Variants in PRKG1 observed in about 807,000 individuals in gnomAD.
The protein encoded by PRKG1 is cGMP-dependent protein kinase 1.
Under a neutral mutation model 88.1 loss-of-function variants are expected in PRKG1, and 35 were observed. The observed-to-expected ratio is 0.40, with a 90% CI of 0.30 to 0.53. The LOEUF (loss-of-function observed/expected upper bound fraction) is 0.53. Among genes scored for constraint, PRKG1 ranks in the 20% least tolerant of loss-of-function variants. The pLI is 0.59. For missense variants in PRKG1, 540 were observed against 839.8 expected, an observed-to-expected ratio of 0.64 and a Z score of 4.41; for synonymous variants, 303 against 292.5, an observed-to-expected ratio of 1.04 and a Z score of -0.37.
At chr10:51,947,465 A>ACCCACTGTCTTCCG (rs146373038) in intron 5 of PRKG1, among the ~76,000 whole-genome samples, 29,725 of 151,774 alleles carry the variant, frequency 0.2, 3,237 homozygotes, top group East Asian at 0.3. Flanking sequence ...GGTGCGCTGC[A>ACCCACTGTCTTCCG]CCCACTGTCT....
chr10:51,373,916 G>GGT (rs1473956907), intron 2 of PRKG1, among the ~76,000 whole-genome samples: 1 of 151,372 alleles, frequency 6.6e-6, no homozygotes, highest in Non-Finnish European at 1.5e-5. Context: ...GGCCGAGGCA[G>GGT]GTGTATCATG....
intron 3 of PRKG1, among the ~76,000 whole-genome samples, chr10:51,569,980 A>C (rs924849641): frequency 6.6e-6 from 1 of 150,818 alleles, no homozygotes; most frequent in Non-Finnish European, 1.5e-5. Flanking sequence ...TCCTTTGAAT[A>C]GATTAATTTA....
intron 1 of PRKG1, among the ~76,000 whole-genome samples, chr10:51,121,852 G>T (rs566124437): frequency 4.6e-5 from 7 of 152,272 alleles, no homozygotes; most frequent in African/African-American, 1.4e-4. Context: ...TTAATTTTCT[G>T]CATGGTACAG....
intron 3 of PRKG1, among the ~76,000 whole-genome samples, chr10:51,794,912 G>A (rs1178207629): frequency 6.6e-6 from 1 of 151,866 alleles, no homozygotes; most frequent in Non-Finnish European, 1.5e-5. Context: ...GACTTAATTT[G>A]AATATTTATA....
chr10:52,011,424 AG>A (rs2133170350), intron 5 of PRKG1, among the ~76,000 whole-genome samples: 1 of 152,282 alleles, frequency 6.6e-6, no homozygotes, highest in East Asian at 1.9e-4. Flanking sequence ...ATTCTACAAA[AG>A]GTTTCTCCTT....
intron 5 of PRKG1, among the ~76,000 whole-genome samples, chr10:51,998,675 A>G (rs1157871637): frequency 2.0e-5 from 3 of 152,194 alleles, no homozygotes; most frequent in Non-Finnish European, 4.4e-5. Flanking sequence ...TGAAGCATAC[A>G]TAGGTGTTTG....
intron 3 of PRKG1, among the ~76,000 whole-genome samples, chr10:51,535,061 A>T (rs1166464774): frequency 1.3e-5 from 2 of 152,174 alleles, no homozygotes; most frequent in African/African-American, 2.4e-5. Context: ...TTGGGAAAGG[A>T]TAGGGGTACT....
chr10:51,478,467 C>G (rs1191380231), intron 3 of PRKG1, among the ~76,000 whole-genome samples: 1 of 151,854 alleles, frequency 6.6e-6, no homozygotes, highest in African/African-American at 2.4e-5. Context: ...TACTTCTGGC[C>G]AAATCCTTGA....
intron 3 of PRKG1, among the ~76,000 whole-genome samples, chr10:51,563,949 T>G (rs1837534964): frequency 6.6e-6 from 1 of 152,150 alleles, no homozygotes; most frequent in African/African-American, 2.4e-5. Flanking sequence ...GGAAAAGAAC[T>G]AACTTCTTCT....
intron 5 of PRKG1, among the ~76,000 whole-genome samples, chr10:51,971,918 A>G (rs1056888580): frequency 1.3e-5 from 2 of 152,234 alleles, no homozygotes; most frequent in Non-Finnish European, 1.5e-5. Context: ...GTAGGCATCC[A>G]GGAATCCACT....
intron 3 of PRKG1, among the ~76,000 whole-genome samples, chr10:51,705,155 C>CT (rs140702996): frequency 4.4e-4 from 67 of 152,158 alleles, no homozygotes; most frequent in African/African-American, 1.5e-3. Context: ...GGGATGCTTC[C>CT]TTTTTTCCTC....
chr10:51,088,754 A>G (rs1479786637), intron 1 of PRKG1, among the ~76,000 whole-genome samples: 2 of 151,170 alleles, frequency 1.3e-5, no homozygotes, highest in Admixed American at 6.6e-5. Context: ...CTGTTGCTCC[A>G]TGTTACATCC....
At chr10:51,114,437 C>CTGTGTGTGTG (rs58190244) in intron 1 of PRKG1, among the ~76,000 whole-genome samples, 2,915 of 150,138 alleles carry the variant, frequency 0.019, 40 homozygotes, top group South Asian at 0.054. Context: ...ATGAGTGACT[C>CTGTGTGTGTG]TGTGTGTGTG....
rs187129484 is a variant in PRKG1, at chr10:51,750,335, T to A, written c.593-54250T>A. Among the ~76,000 whole-genome samples, 424 of 152,288 alleles carry A rather than the reference T, an allele frequency of 2.8e-3. 3 individuals carry two copies. Among genetic ancestry groups the A allele is most frequent in the African/African-American group, 9.3e-3 (388 of 41,560 alleles). ...ATAATATATTTATCAATTTGAGTAT[T>A]TTTTGCATGTGGACATAAGAAATCA... is the stretch of plus-strand genomic sequence containing the variant. On this transcript the variant is annotated intron_variant, in intron 3 of 17. Transcript: ENST00000373980.
At chr10:51,154,643 T>A (rs1484795890) in intron 2 of PRKG1, among the ~76,000 whole-genome samples, 1 of 152,038 alleles carries the variant, frequency 6.6e-6, no homozygotes, top group African/African-American at 2.4e-5. Context: ...TCTTTTTGGA[T>A]ATATGTTAGG....
intron 5 of PRKG1, among the ~76,000 whole-genome samples, chr10:52,004,976 T>C (rs1844693533): frequency 6.6e-6 from 1 of 152,116 alleles, no homozygotes; most frequent in African/African-American, 2.4e-5. Context: ...TTAATCATTA[T>C]CAATATGAGT....
intron 2 of PRKG1, among the ~76,000 whole-genome samples, chr10:51,177,591 T>C (rs550174803): frequency 6.6e-6 from 1 of 152,264 alleles, no homozygotes; most frequent in South Asian, 2.1e-4. Context: ...GCTGAATGAA[T>C]GGTTGAATGA....
rs143602931 is a variant in PRKG1 at position 51,627,334 on chromosome 10, T to C, written c.592+159498T>C. ...GCTTGGGCAGGTTGTGTAAACTGTTTCTTCCTTATCAATAAAGTGGAGACA... is the reference window on the plus strand; with the variant it reads ...GCTTGGGCAGGTTGTGTAAACTGTTCCTTCCTTATCAATAAAGTGGAGACA... On this transcript the variant is annotated intron_variant, in intron 3 of 17. Transcript: ENST00000373980. Among the ~76,000 whole-genome samples the C allele has an allele frequency of 7.9e-5, 12 of 152,302 alleles. No individual in the cohort carries two copies. The East Asian group carries it at 2.3e-3, about 29-fold the overall frequency.
intron 2 of PRKG1, among the ~76,000 whole-genome samples, chr10:51,330,216 T>A (rs1239026121): frequency 6.6e-6 from 1 of 151,246 alleles, no homozygotes; most frequent in East Asian, 1.9e-4. Context: ...AGTGTTGCAA[T>A]CTCAGCTCAC....
Sources: allele counts gnomAD v4.1 joint callset (sites outside exome capture counted in the v4.1 genomes callset), GRCh38; gene constraint gnomAD v4.1.1; transcripts MANE v1.5; gene names NCBI Gene and HGNC (gene_info 2026-07-23, HGNC 2026-07-21).